The following MLLT1 variants were observed in gnomAD, a reference collection of about 807,000 sequenced individuals.
MLLT1 encodes protein ENL.
MLLT1 carries 11 observed loss-of-function variants against 55.1 expected under a neutral mutation model. The ratio of observed to expected loss-of-function variants is 0.20; its 90% CI spans 0.13 to 0.33. The LOEUF (loss-of-function observed/expected upper bound fraction) is 0.33. Among genes scored for constraint, MLLT1 ranks in the 10% least tolerant of loss-of-function variants. The pLI is 1.00. For synonymous variants in MLLT1, 323 were observed against 320.1 expected (o/e 1.01, Z -0.10); for missense variants, 536 against 760.6 (o/e 0.70, Z 3.47).
At position 6,212,749 on chromosome 19, in the gene MLLT1, C is replaced by T; in HGVS notation, c.*293G>A. 1 of 1,107,950 alleles carries T rather than the reference C, an allele frequency of 9.0e-7. No individual in the cohort carries two copies. 68.6% of individuals were successfully genotyped at this position (1,107,950 alleles called of 1,614,324 possible). A position where few individuals can be genotyped will look rare whatever the true frequency, so the allele number is the denominator to read the frequency against. Reference sequence around the variant, plus strand: ...TGGTCCCAAGGCTGGGCGAGGGGCCCCCGGCCCTGTCTCTGCCCAGAGCTG... The same window carrying T: ...TGGTCCCAAGGCTGGGCGAGGGGCCTCCGGCCCTGTCTCTGCCCAGAGCTG... On this transcript the variant is annotated 3_prime_UTR_variant, in exon 12 of 12. Coordinates refer to ENST00000252674, the MANE Select transcript of MLLT1 (RefSeq NM_005934.4).
At chr19:6,213,493 C>T in intron 10 of MLLT1, 85 bp from the exon 11 acceptor site, 1 of 1,246,236 alleles carries the variant, frequency 8.0e-7, no homozygotes, top group East Asian at 2.3e-5. Flanking sequence ...ATGACCCAGT[C>T]CATCCCAGCA....
At position 6,231,005 on chromosome 19, in the gene MLLT1, C is replaced by T. The variant is rs553175836; in HGVS notation, c.277-292G>A. Among the ~76,000 whole-genome samples the T allele has an allele frequency of 1.6e-4, 25 of 152,348 alleles. No individual in the cohort carries two copies. Among genetic ancestry groups the T allele is most frequent in the Admixed American group, 1.3e-4 (2 of 15,308 alleles). On this transcript the variant is annotated intron_variant, in intron 3 of 11. Transcript: ENST00000252674. The surrounding 1 kb of genome is among the most constrained non-coding windows in gnomAD (Gnocchi z 5.1). ...CATGTACCCCCTTCAACCCTCACAG[C>T]GCCACTGACAGACAGGGAAACCGAC...
rs2091008767 is a variant in MLLT1, at chr19:6,231,393, A to C, written c.277-680T>G. ...GAGTGAGGGGCTGTGATGAATACAG[A>C]AAGGCCAGGAGGGCTCAGGGCAGGC... On this transcript the variant is annotated intron_variant, in intron 3 of 11. Transcript: ENST00000252674. This position sits in a 1 kb window ranked among gnomAD's most constrained non-coding sequence, Gnocchi z 5.1. Among the ~76,000 whole-genome samples the C allele has an allele frequency of 6.6e-6, 1 of 152,154 alleles. No individual in the cohort carries two copies. Among genetic ancestry groups the C allele is most frequent in the South Asian group, 2.1e-4 (1 of 4,822 alleles).
intron 1 of MLLT1, among the ~76,000 whole-genome samples, chr19:6,272,121 A>G (rs1403622647): frequency 8.2e-6 from 1 of 121,744 alleles, no homozygotes; most frequent in Non-Finnish European, 1.6e-5. Context: ...ACGGCTTGTC[A>G]CTCCCTCAGA....
At chr19:6,221,139 C>G (rs375571407) in intron 6 of MLLT1, among the ~76,000 whole-genome samples, 1 of 152,200 alleles carries the variant, frequency 6.6e-6, no homozygotes, top group African/African-American at 2.4e-5. Flanking sequence ...AAAGCCCCAG[C>G]GGCTTTTCAA....
At chr19:6,277,779 G>A (rs887887201) in intron 1 of MLLT1, among the ~76,000 whole-genome samples, 3 of 152,170 alleles carry the variant, frequency 2.0e-5, no homozygotes, top group Non-Finnish European at 2.9e-5. Context: ...TGTGCCCAGC[G>A]GGACTTGCCT....
intron 11 of MLLT1, 42 bp downstream of exon 11, chr19:6,213,295 C>T: frequency 1.2e-6 from 2 of 1,610,710 alleles, no homozygotes; most frequent in African/African-American, 1.3e-5. Flanking sequence ...TCCTCACAGG[C>T]ACCCCGACCT....
At position 6,279,856 on chromosome 19, in the gene MLLT1, C is replaced by A; in HGVS notation, c.-72G>T. The A allele has an allele frequency of 6.3e-6, 1 of 158,408 alleles. No individual in the cohort carries two copies. Among genetic ancestry groups the A allele is most frequent in the Non-Finnish European group, 1.3e-5 (1 of 75,770 alleles). The allele number at this position is 158,408 out of a possible 1,614,324, so 9.8% of individuals were successfully genotyped here. ...CCGCCGCCGCCGCCGCCGCTCAACG[C>A]CGCCCCGCCGCCCTCATTGTCTGTC... is the stretch of plus-strand genomic sequence containing the variant. On this transcript the variant is annotated 5_prime_UTR_variant, in exon 1 of 12. Transcript: ENST00000252674.
intron 3 of MLLT1, among the ~76,000 whole-genome samples, chr19:6,237,322 A>T (rs2091071725): frequency 6.6e-6 from 1 of 152,032 alleles, no homozygotes; most frequent in African/African-American, 2.4e-5. Context: ...GTGAGGGGAG[A>T]GCAACCAGCC....
chr19:6,212,038 T>G lies in MLLT1; in HGVS notation c.*1004A>C, dbSNP rs2090778310. On this transcript the variant is annotated 3_prime_UTR_variant, in exon 12 of 12. Coordinates refer to ENST00000252674, the MANE Select transcript of MLLT1 (RefSeq NM_005934.4). ...GCGCCTCAGAAAACTCCATAAACTATCCCGTCTTATTTGGCAAAAGCTCAT... is the reference window on the plus strand; with the variant it reads ...GCGCCTCAGAAAACTCCATAAACTAGCCCGTCTTATTTGGCAAAAGCTCAT... 2 of 1,065,666 alleles carry G rather than the reference T, an allele frequency of 1.9e-6. No individual in the cohort carries two copies. The highest frequency in any genetic ancestry group is 2.3e-6 in the Non-Finnish European group (2 of 879,308). The allele number at this position is 1,065,666 out of a possible 1,614,324, so 66.0% of individuals were successfully genotyped here. A position where few individuals can be genotyped will look rare whatever the true frequency, so the allele number is the denominator to read the frequency against.
chr19:6,254,312 C>G (rs929788153), intron 3 of MLLT1, among the ~76,000 whole-genome samples: 9 of 152,226 alleles, frequency 5.9e-5, no homozygotes, highest in African/African-American at 1.9e-4. Context: ...CATAGCCTGC[C>G]CCATGCAGCA....
At position 6,211,816 on chromosome 19, in the gene MLLT1, C is replaced by T. The variant is rs990725788; in HGVS notation, c.*1226G>A. 26 of 1,063,966 alleles carry T rather than the reference C, an allele frequency of 2.4e-5. No homozygotes were observed. The highest frequency in any genetic ancestry group is 1.3e-4 in the African/African-American group (8 of 60,978). The allele number at this position is 1,063,966 out of a possible 1,614,324, so 65.9% of individuals were successfully genotyped here. ...GGAAGAGTGGGCCGGGAAGGAGGACCGGCTTGGCCCCTGGAGAATCTCAGG... is the reference window on the plus strand; with the variant it reads ...GGAAGAGTGGGCCGGGAAGGAGGACTGGCTTGGCCCCTGGAGAATCTCAGG... On this transcript the variant is annotated 3_prime_UTR_variant, in exon 12 of 12. Coordinates refer to ENST00000252674, the MANE Select transcript of MLLT1 (RefSeq NM_005934.4). The surrounding 1 kb of genome is among the most constrained non-coding windows in gnomAD (Gnocchi z 4.6).
intron 3 of MLLT1, among the ~76,000 whole-genome samples, chr19:6,260,407 T>C (rs1047635281): frequency 2.6e-5 from 4 of 152,174 alleles, no homozygotes; most frequent in South Asian, 2.1e-4. Context: ...CCTGCTGCAC[T>C]GGGTACAGTG....
chr19:6,268,824 C>G (rs564132840), intron 2 of MLLT1, among the ~76,000 whole-genome samples: 1 of 152,216 alleles, frequency 6.6e-6, no homozygotes, highest in East Asian at 1.9e-4. Context: ...CTGGGCAACA[C>G]GACAAACAAA....
chr19:6,249,686 C>T (rs2091197908), intron 3 of MLLT1, among the ~76,000 whole-genome samples: 1 of 152,146 alleles, frequency 6.6e-6, no homozygotes, highest in Non-Finnish European at 1.5e-5. Context: ...GCCCAGCAAG[C>T]GCTTTACTGT....
intron 3 of MLLT1, among the ~76,000 whole-genome samples, chr19:6,260,566 G>A (rs909018375): frequency 1.3e-5 from 2 of 152,272 alleles, no homozygotes; most frequent in African/African-American, 4.8e-5. Flanking sequence ...GCAGCCCACG[G>A]CGGAGCCAGG....
intron 3 of MLLT1, among the ~76,000 whole-genome samples, chr19:6,249,539 C>T (rs895240505): frequency 2.0e-5 from 3 of 152,190 alleles, no homozygotes; most frequent in African/African-American, 7.2e-5. Context: ...ACAGTCAAGG[C>T]CACTTTCCAA....
rs1435295544 is a variant in MLLT1 at position 6,270,943 on chromosome 19, C to A, written c.13-184G>T. ...TTGCCGCAGACGTCCCGTGCCTTCT[C>A]CCCTCCGTACTCCCACACAGACCCC... On this transcript the variant is annotated intron_variant, in intron 1 of 11. Transcript: ENST00000252674. This position sits in a 1 kb window ranked among gnomAD's most constrained non-coding sequence, Gnocchi z 7.1. Among the ~76,000 whole-genome samples the A allele has an allele frequency of 2.0e-5, 3 of 152,186 alleles. No individual in the cohort carries two copies. The highest frequency in any genetic ancestry group is 2.9e-5 in the Non-Finnish European group (2 of 68,022).
chr19:6,257,922 TA>T lies in MLLT1; in HGVS notation c.276+4305del, dbSNP rs565563234. On this transcript the variant is annotated intron_variant, in intron 3 of 11. Coordinates refer to ENST00000252674, the MANE Select transcript of MLLT1 (RefSeq NM_005934.4). ...TCACGGGTCATCAAGGAAATGCAAATAAAAACCTCAACAGTTACCGCTCTAT... is the reference window on the plus strand; with the variant it reads ...TCACGGGTCATCAAGGAAATGCAAATAAAACCTCAACAGTTACCGCTCTAT... Among the ~76,000 whole-genome samples the T allele has an allele frequency of 5.9e-5, 9 of 152,174 alleles. No homozygotes were observed. In the South Asian group the frequency reaches 1.9e-3, roughly 32 times the overall value.
Sources: gnomAD v4.1 joint callset for allele counts (sites outside exome capture counted in the v4.1 genomes callset) on GRCh38, gnomAD v4.1.1 for gene constraint, Gnocchi (gnomAD v3.1) non-coding constraint, MANE v1.5 for transcripts, NCBI Gene and HGNC (gene_info 2026-07-23, HGNC 2026-07-21) for gene names.